Variants in NRXN1 observed in about 807,000 individuals in gnomAD.
NRXN1 encodes the protein neurexin-1.
In NRXN1, 39 loss-of-function variants were observed where a neutral mutation model predicts 150.9. The ratio of observed to expected loss-of-function variants is 0.26; its 90% CI spans 0.20 to 0.34. NRXN1 has a LOEUF of 0.34. Ranked by LOEUF, NRXN1 falls within the 10% of genes least tolerant of loss-of-function variation. The pLI is 1.00. For missense variants in NRXN1, 1,815 were observed against 1,949.9 expected (o/e 0.93, Z 1.30); for synonymous variants, 924 against 757.0 (o/e 1.22, Z -3.62).
At chr2:50,134,751 T>C (rs2152751399) in intron 18 of NRXN1, among the ~76,000 whole-genome samples, 1 of 152,278 alleles carries the variant, frequency 6.6e-6, no homozygotes, top group South Asian at 2.1e-4. Context: ...GTGAAGTCTA[T>C]TTTACCCCTT....
chr2:50,289,566 C>A (rs2072640456), intron 17 of NRXN1, among the ~76,000 whole-genome samples: 1 of 152,140 alleles, frequency 6.6e-6, no homozygotes, highest in Admixed American at 6.6e-5. Flanking sequence ...TATTTGGCTT[C>A]TTTCCTGCTA....
chr2:50,597,869 T>C (rs1286979303), intron 8 of NRXN1, among the ~76,000 whole-genome samples: 1 of 152,186 alleles, frequency 6.6e-6, no homozygotes, highest in Non-Finnish European at 1.5e-5. Context: ...CGGGGCACAG[T>C]GGCTCACGGC....
intron 17 of NRXN1, among the ~76,000 whole-genome samples, chr2:50,423,997 T>C (rs936083439): frequency 4.6e-5 from 7 of 151,824 alleles, no homozygotes; most frequent in Admixed American, 3.9e-4. Context: ...AGCATACAGA[T>C]AGGCTGGAGC....
chr2:50,263,639 T>C (rs2068540082), intron 17 of NRXN1, among the ~76,000 whole-genome samples: 1 of 152,032 alleles, frequency 6.6e-6, no homozygotes, highest in African/African-American at 2.4e-5. Context: ...TTTTAAGTGA[T>C]TTGACCACTG....
At chr2:50,679,055 T>C (rs1382698327) in intron 5 of NRXN1, among the ~76,000 whole-genome samples, 1 of 152,042 alleles carries the variant, frequency 6.6e-6, no homozygotes, top group Non-Finnish European at 1.5e-5. Context: ...TTGGTAGCTC[T>C]TGGGGCATGT....
intron 8 of NRXN1, among the ~76,000 whole-genome samples, chr2:50,561,389 T>A (rs767900183): frequency 2.0e-5 from 3 of 152,186 alleles, no homozygotes; most frequent in Non-Finnish European, 4.4e-5. Context: ...TAATGTGAAG[T>A]TTCAGCTGAA....
At chr2:50,875,698 G>T (rs1035932880) in intron 5 of NRXN1, among the ~76,000 whole-genome samples, 1 of 151,738 alleles carries the variant, frequency 6.6e-6, no homozygotes, top group Non-Finnish European at 1.5e-5. Context: ...GAGACCAACA[G>T]AACCAACAGC....
chr2:50,733,581 A>G (rs1322413904), intron 5 of NRXN1, among the ~76,000 whole-genome samples: 1 of 152,190 alleles, frequency 6.6e-6, no homozygotes, highest in Non-Finnish European at 1.5e-5. Context: ...CTTAATAATG[A>G]AAAAGTAAAT....
Position 49,920,954 on chromosome 2 carries a change from G to T in NRXN1, c.*990C>A, listed in dbSNP as rs1466966796. Reference sequence around the variant, plus strand: ...TCTTCCTTAGAATAAACACTACACTGTAATTTCTTTAAAAAATAAAAGTAA... The same window carrying T: ...TCTTCCTTAGAATAAACACTACACTTTAATTTCTTTAAAAAATAAAAGTAA... On this transcript the variant is annotated 3_prime_UTR_variant, in exon 23 of 23. Coordinates refer to ENST00000401669, the MANE Select transcript of NRXN1 (RefSeq NM_001330078.2). 1 of 136,100 alleles carries T rather than the reference G, an allele frequency of 7.3e-6. No individual in the cohort carries two copies. Among genetic ancestry groups the T allele is most frequent in the Non-Finnish European group, 1.6e-5 (1 of 62,802 alleles). The allele number at this position is 136,100 out of a possible 1,614,324, so 8.4% of individuals were successfully genotyped here.
At chr2:50,753,510 T>A (rs950812217) in intron 5 of NRXN1, among the ~76,000 whole-genome samples, 1 of 151,866 alleles carries the variant, frequency 6.6e-6, no homozygotes, top group African/African-American at 2.4e-5. Context: ...ATTTTCAGTA[T>A]GGAGTCTGGC....
intron 22 of NRXN1, among the ~76,000 whole-genome samples, chr2:49,923,425 CAA>C (rs1353862384): frequency 6.6e-6 from 1 of 152,054 alleles, no homozygotes; most frequent in South Asian, 2.1e-4. Flanking sequence ...CTACAACTTT[CAA>C]AACACTATTC....
At chr2:50,717,196 A>G (rs532179955) in intron 5 of NRXN1, among the ~76,000 whole-genome samples, 1 of 152,328 alleles carries the variant, frequency 6.6e-6, no homozygotes, top group Non-Finnish European at 1.5e-5. Flanking sequence ...ACTTCATTTT[A>G]ACATGTTTTA....
chr2:50,440,754 T>C (rs1393655740), intron 17 of NRXN1, among the ~76,000 whole-genome samples: 1 of 152,184 alleles, frequency 6.6e-6, no homozygotes, highest in East Asian at 1.9e-4. Context: ...ATTTTTTCCT[T>C]TGTGCTCATA....
At chr2:50,246,473 T>C (rs1207173363) in intron 17 of NRXN1, among the ~76,000 whole-genome samples, 2 of 152,072 alleles carry the variant, frequency 1.3e-5, no homozygotes, top group Non-Finnish European at 2.9e-5. Flanking sequence ...TTAACTTTTG[T>C]TTATTTCCTA....
intron 18 of NRXN1, chr2:50,105,136 A>T: frequency 6.6e-6 from 1 of 152,040 alleles, no homozygotes; most frequent in Non-Finnish European, 1.5e-5. Context: ...CCCTAGAAGT[A>T]GTAGGGGCCA....
At chr2:50,170,446 C>T (rs2059960725) in intron 18 of NRXN1, among the ~76,000 whole-genome samples, 1 of 152,032 alleles carries the variant, frequency 6.6e-6, no homozygotes, top group Admixed American at 6.6e-5. Flanking sequence ...CAGGTGTGCA[C>T]CACCACATCC....
intron 8 of NRXN1, among the ~76,000 whole-genome samples, chr2:50,616,900 A>T (rs144382968): frequency 1.1e-3 from 164 of 152,342 alleles, no homozygotes; most frequent in African/African-American, 3.5e-3. Context: ...TCGACCAGGA[A>T]GTCCAAGCTA....
At position 49,921,247 on chromosome 2, in the gene NRXN1, A is replaced by G. The variant is rs200051169; in HGVS notation, c.*697T>C. 1.3e-5 allele frequency: 2 copies of G among 152,620 alleles called. No individual in the cohort carries two copies. The highest frequency in any genetic ancestry group is 6.5e-5 in the Admixed American group (1 of 15,282). The allele number at this position is 152,620 out of a possible 1,614,324, so 9.5% of individuals were successfully genotyped here. Reference sequence around the variant, plus strand: ...TGCATGAAAATTTCCCAATGATTGCATCTATGCCCTCTTGTTTTTGTTTTG... The same window carrying G: ...TGCATGAAAATTTCCCAATGATTGCGTCTATGCCCTCTTGTTTTTGTTTTG... On this transcript the variant is annotated 3_prime_UTR_variant, in exon 23 of 23. Transcript: ENST00000401669.
chr2:50,208,048 CTAGT>C (rs1442514742), intron 18 of NRXN1, among the ~76,000 whole-genome samples: 1 of 152,098 alleles, frequency 6.6e-6, no homozygotes, highest in Non-Finnish European at 1.5e-5. Flanking sequence ...CTGTGCTCCA[CTAGT>C]TAGTTGTGGC....
Sources: allele counts gnomAD v4.1 joint callset (sites outside exome capture counted in the v4.1 genomes callset), GRCh38; gene constraint gnomAD v4.1.1; transcripts MANE v1.5; gene names NCBI Gene and HGNC (gene_info 2026-07-23, HGNC 2026-07-21).